The following CACNB4 variants were observed in gnomAD, a reference collection of about 807,000 sequenced individuals.
CACNB4 encodes the protein voltage-dependent L-type calcium channel subunit beta-4.
Under a neutral mutation model 71.2 loss-of-function variants are expected in CACNB4, and 32 were observed. The observed-to-expected ratio is 0.45, with a 90% CI of 0.34 to 0.60. The LOEUF is 0.60. CACNB4 is among the 20% of genes least tolerant of loss of function. The probability of loss-of-function intolerance (pLI) is 0.01; values close to 1 mark genes in which losing one functional copy is unlikely to be tolerated. For synonymous variants in CACNB4, 231 were observed against 236.9 expected, an observed-to-expected ratio of 0.97 and a Z score of 0.23; for missense variants, 464 against 647.9, an observed-to-expected ratio of 0.72 and a Z score of 3.08.
chr2:151,922,787 T>G (rs2099859297), intron 2 of CACNB4, among the ~76,000 whole-genome samples: 1 of 152,240 alleles, frequency 6.6e-6, no homozygotes, highest in Non-Finnish European at 1.5e-5. Context: ...TCACAAATCC[T>G]GTTTTCATTC....
intron 2 of CACNB4, among the ~76,000 whole-genome samples, chr2:151,931,670 C>T (rs10497087): frequency 0.065 from 9,858 of 152,174 alleles, 1,041 homozygotes; most frequent in African/African-American, 0.22. Flanking sequence ...TTTCATCACT[C>T]TAGGAAATCC....
chr2:152,084,574 T>C (rs1487170321), intron 2 of CACNB4, among the ~76,000 whole-genome samples: 1 of 152,174 alleles, frequency 6.6e-6, no homozygotes, highest in Admixed American at 6.6e-5. Flanking sequence ...ACTATTAATG[T>C]GGATACATGA....
At chr2:152,089,104 C>T (rs1687829053) in intron 2 of CACNB4, among the ~76,000 whole-genome samples, 1 of 152,190 alleles carries the variant, frequency 6.6e-6, no homozygotes, top group Non-Finnish European at 1.5e-5. Flanking sequence ...ATGGTTAAAT[C>T]CATGTGAAAT....
intron 8 of CACNB4, chr2:151,870,211 T>C: frequency 1.4e-6 from 1 of 696,634 alleles, no homozygotes; most frequent in Non-Finnish European, 2.6e-6. Context: ...CTTCTAATAA[T>C]AATGAGAATG....
At chr2:151,963,443 T>C (rs907006155) in intron 2 of CACNB4, among the ~76,000 whole-genome samples, 13 of 152,130 alleles carry the variant, frequency 8.5e-5, no homozygotes, top group African/African-American at 3.1e-4. Context: ...TGAGGGCATA[T>C]GGAACTTCCC....
chr2:151,941,275 ATTTTTTTTTT>A (rs11346045), intron 2 of CACNB4, among the ~76,000 whole-genome samples: 1 of 112,302 alleles, frequency 8.9e-6, no homozygotes, highest in African/African-American at 3.5e-5. Flanking sequence ...AAAATGGTTA[ATTTTTTTTTT>A]TTTTTTTTTT....
At chr2:151,932,977 G>T (rs997776259) in intron 2 of CACNB4, among the ~76,000 whole-genome samples, 1 of 151,774 alleles carries the variant, frequency 6.6e-6, no homozygotes, top group African/African-American at 2.4e-5. Context: ...AAGAACAAAG[G>T]CAGGCTCCTT....
At position 151,855,354 on chromosome 2, in the gene CACNB4, T is replaced by C. The variant is rs773484052; in HGVS notation, c.890A>G (p.Glu297Gly). The change falls in exon 11 of 14, where the codon GAA becomes GGA. Residue 297 changes from glutamate to glycine, a missense_variant. By Grantham distance (98) the Glu-to-Gly change is moderately conservative. This residue lies in a region of CACNB4 where 299 missense variants were observed against 471.7 expected (regional missense o/e 0.63). Coordinates refer to ENST00000539935, the MANE Select transcript of CACNB4 (RefSeq NM_000726.5). Reference sequence around the variant, plus strand: ...AGATCTTGCCAACTCAAAGATTCTTTCAATTTCACTTTGTACTTCCGCTTA... The same window carrying C: ...AGATCTTGCCAACTCAAAGATTCTTCCAATTTCACTTTGTACTTCCGCTTA... ...SSLAEVQSEI[E>G]RIFELARSLQ... is the part of the protein sequence containing the mutation. 6.3e-7 allele frequency: 1 copy of C among 1,595,124 alleles called. No homozygotes were observed. The highest frequency in any genetic ancestry group is 8.6e-7 in the Non-Finnish European group (1 of 1,164,932).
chr2:151,928,452 G>A (rs1230011867), intron 2 of CACNB4, among the ~76,000 whole-genome samples: 1 of 152,142 alleles, frequency 6.6e-6, no homozygotes, highest in Non-Finnish European at 1.5e-5. Flanking sequence ...CTTTGTGTTT[G>A]GTAGGCAGTC....
chr2:151,860,461 C>T, intron 10 of CACNB4: 4 of 515,356 alleles, frequency 7.8e-6, no homozygotes, highest in Non-Finnish European at 1.4e-5. Flanking sequence ...CAGGAAAAGA[C>T]TAGGAGAGCC....
intron 2 of CACNB4, chr2:151,969,954 T>C (rs1467241246): frequency 6.6e-6 from 1 of 152,356 alleles, no homozygotes; most frequent in Non-Finnish European, 1.5e-5. Context: ...CCCTGAATGA[T>C]GATCTGATCA....
intron 5 of CACNB4, chr2:151,873,212 T>C (rs528381677): frequency 1.3e-5 from 2 of 152,364 alleles, no homozygotes; most frequent in South Asian, 4.1e-4. Flanking sequence ...GACAAAATCC[T>C]TTCCCTTATT....
intron 6 of CACNB4, 80 bp downstream of exon 6, chr2:151,872,335 TTA>T: frequency 1.3e-6 from 1 of 767,636 alleles, no homozygotes; most frequent in South Asian, 1.6e-5. Context: ...TGTTTCCAAA[TTA>T]GCAAAACTAC....
chr2:151,837,136 T>G lies in CACNB4; in HGVS notation c.*1983A>C, dbSNP rs2099835053. The G allele has an allele frequency of 6.6e-6, 1 of 152,050 alleles. No individual in the cohort carries two copies. The highest frequency in any genetic ancestry group is 2.1e-4 in the South Asian group (1 of 4,834). 9.4% of individuals were successfully genotyped at this position (152,050 alleles called of 1,614,324 possible). A position where few individuals can be genotyped will look rare whatever the true frequency, so the allele number is the denominator to read the frequency against. On this transcript the variant is annotated 3_prime_UTR_variant, in exon 14 of 14. Coordinates refer to ENST00000539935, the MANE Select transcript of CACNB4 (RefSeq NM_000726.5). ...TTAAAGTGCCTAATGGATATAACTC[T>G]TTTAAAATGTCTTAACTGAAAGTTT... is the stretch of plus-strand genomic sequence containing the variant.
rs35400714 is a variant in CACNB4, at chr2:152,076,136, CTTTTTTTT to C, written c.147+22186_147+22193del. On this transcript the variant is annotated intron_variant, in intron 2 of 13. Coordinates refer to ENST00000539935, the MANE Select transcript of CACNB4 (RefSeq NM_000726.5). Reference sequence around the variant, plus strand: ...AGGACATGTGATTACCACCTCTTTTCTTTTTTTTTTTTTTTTTTTTTTTTGAGACAGAG... The same window carrying C: ...AGGACATGTGATTACCACCTCTTTTCTTTTTTTTTTTTTTTTGAGACAGAG... 8.4e-5 allele frequency among the ~76,000 whole-genome samples: 6 copies of C among 71,198 alleles called. No homozygotes were observed. In the East Asian group the frequency reaches 1.8e-3, roughly 21 times the overall value. The allele number at this position is 71,198 out of a possible 152,430, so 46.7% of individuals were successfully genotyped here.
At chr2:151,951,211 C>T (rs1299482454) in intron 2 of CACNB4, among the ~76,000 whole-genome samples, 1 of 152,146 alleles carries the variant, frequency 6.6e-6, no homozygotes, top group Non-Finnish European at 1.5e-5. Context: ...CAAGCATGGG[C>T]CACTGCATCC....
At chr2:151,971,338 C>T (rs910807806) in intron 2 of CACNB4, 7 of 598,890 alleles carry the variant, frequency 1.2e-5, no homozygotes, top group African/African-American at 1.1e-4. Context: ...CCCACACACC[C>T]CACAAAGACA....
intron 2 of CACNB4, among the ~76,000 whole-genome samples, chr2:152,011,776 C>T (rs563863140): frequency 3.9e-5 from 6 of 152,258 alleles, no homozygotes; most frequent in East Asian, 1.9e-4. Context: ...TACAGTCATG[C>T]GCCACATAAT....
intron 2 of CACNB4, chr2:151,973,580 C>T: frequency 8.2e-7 from 1 of 1,215,424 alleles, no homozygotes; most frequent in Non-Finnish European, 1.2e-6. Context: ...CCCTGCGTTG[C>T]CTAAGAAATA....
Sources: allele counts gnomAD v4.1 joint callset (sites outside exome capture counted in the v4.1 genomes callset), GRCh38; gene constraint gnomAD v4.1.1; regional missense constraint gnomAD v4.1.1; transcripts MANE v1.5; gene names NCBI Gene and HGNC (gene_info 2026-07-23, HGNC 2026-07-21).